EFCAB7: variants seen among roughly 807,000 people sequenced by gnomAD.
EFCAB7 encodes the protein EF-hand calcium binding domain 7.
Under a neutral mutation model 77.1 loss-of-function variants are expected in EFCAB7, and 66 were observed. That is an observed-to-expected ratio of 0.86 (90% CI 0.70 to 1.05). EFCAB7 has a LOEUF of 1.05. EFCAB7 is among the 50% of genes least tolerant of loss of function. The probability of loss-of-function intolerance (pLI) is 0.00; values close to 1 mark genes in which losing one functional copy is unlikely to be tolerated. For synonymous variants in EFCAB7, 225 were observed against 243.3 expected (o/e 0.92, Z 0.70); for missense variants, 638 against 730.5 (o/e 0.87, Z 1.46).
At chr1:63,540,137 C>T (rs9793813) in intron 6 of EFCAB7, among the ~76,000 whole-genome samples, 12,060 of 151,788 alleles carry the variant, frequency 0.079, 839 homozygotes, top group East Asian at 0.38. Flanking sequence ...CCGAGGTGGG[C>T]GGATCACTTG....
At chr1:63,584,492 C>T in the EFCAB7 span, among the ~76,000 whole-genome samples, 1 of 152,074 alleles carries the variant, frequency 6.6e-6, no homozygotes, top group Non-Finnish European at 1.5e-5. Context: ...TTCGAGGCTG[C>T]AGTGAGCTAT....
At chr1:63,573,674 A>G (rs1191894372), downstream of EFCAB7, among the ~76,000 whole-genome samples, 1 of 152,118 alleles carries the variant, frequency 6.6e-6, no homozygotes, top group Non-Finnish European at 1.5e-5. Context: ...AGGGATGACA[A>G]GTTTTTTGGG....
chr1:63,538,073 A>C (rs1192131247), intron 6 of EFCAB7, among the ~76,000 whole-genome samples: 1 of 152,210 alleles, frequency 6.6e-6, no homozygotes, highest in South Asian at 2.1e-4. Flanking sequence ...TAAAATTTGT[A>C]TATGACAAAT....
chr1:63,571,752 T>C (rs1484818673), intron 13 of EFCAB7, among the ~76,000 whole-genome samples: 1 of 150,926 alleles, frequency 6.6e-6, no homozygotes, highest in African/African-American at 2.4e-5. Flanking sequence ...AAAAATAAAA[T>C]GATGTATGTA....
At chr1:63,578,429 C>T in the EFCAB7 span, among the ~76,000 whole-genome samples, 1 of 149,596 alleles carries the variant, frequency 6.7e-6, no homozygotes, top group Non-Finnish European at 1.5e-5. Flanking sequence ...GTATTACAGG[C>T]TGTACCTCTA....
chr1:63,557,937 C>T (rs115740432), intron 10 of EFCAB7, among the ~76,000 whole-genome samples: 31 of 152,238 alleles, frequency 2.0e-4, no homozygotes, highest in African/African-American at 7.5e-4. Flanking sequence ...CTCACGTATG[C>T]TTTCACTGGG....
chr1:63,542,525 C>T (rs191812862), intron 6 of EFCAB7, among the ~76,000 whole-genome samples: 222 of 152,222 alleles, frequency 1.5e-3, no homozygotes, highest in African/African-American at 5.2e-3. Flanking sequence ...GAGAAATTAC[C>T]ATACTATTAT....
Position 63,572,594 on chromosome 1 carries a change from T to C in EFCAB7, c.*78T>C. ...TATTTATTAAACAACTAAATGCTAC[T>C]TAACTGATGTACCTAAATAATAATC... On this transcript the variant is annotated 3_prime_UTR_variant, in exon 14 of 14. Transcript: ENST00000371088. 8.2e-7 allele frequency: 1 copy of C among 1,213,496 alleles called. No homozygotes were observed. The highest frequency in any genetic ancestry group is 1.1e-6 in the Non-Finnish European group (1 of 916,110). The allele number at this position is 1,213,496 out of a possible 1,614,324, so 75.2% of individuals were successfully genotyped here.
intron 11 of EFCAB7, among the ~76,000 whole-genome samples, chr1:63,563,554 G>C (rs911213802): frequency 6.6e-6 from 1 of 152,192 alleles, no homozygotes; most frequent in Non-Finnish European, 1.5e-5. Context: ...ACTTGGATGA[G>C]ACTGTTGATT....
At position 63,545,990 on chromosome 1, in the gene EFCAB7, G is replaced by T. The variant is rs1281048979; in HGVS notation, c.879G>T (p.Arg293Ser). 9 of 1,613,632 alleles carry T rather than the reference G, an allele frequency of 5.6e-6. No homozygotes were observed. The highest frequency in any genetic ancestry group is 6.8e-6 in the Non-Finnish European group (8 of 1,179,752). Residue 293 changes from arginine (R) to serine (S), a missense_variant, in exon 7 of 14, where the codon AGG (arginine) becomes AGT (serine). Transcript: ENST00000371088. ...GTGAAATCATTAGTCATCAGTACAG[G>T]ATGCAAATAGCTCAGAGGTCCATGG... ...EDGEIISHQY[R>S]MQIAQRSMVY...
chr1:63,532,886 G>A (rs1646716135), intron 4 of EFCAB7, 130 bp downstream of exon 4: 7 of 653,974 alleles, frequency 1.1e-5, no homozygotes, highest in East Asian at 3.2e-5. Flanking sequence ...TATACATTGT[G>A]AAACAATTAA....
the EFCAB7 span, among the ~76,000 whole-genome samples, chr1:63,585,050 C>T: frequency 2.0e-5 from 3 of 151,982 alleles, no homozygotes; most frequent in South Asian, 4.1e-4. Context: ...AATGCTTTCT[C>T]GTTTTCTGGA....
intron 10 of EFCAB7, among the ~76,000 whole-genome samples, chr1:63,558,385 C>A (rs2100914294): frequency 6.6e-6 from 1 of 152,282 alleles, no homozygotes; most frequent in East Asian, 1.9e-4. Context: ...AGCTGCTGAT[C>A]TATGCACTTC....
intron 8 of EFCAB7, among the ~76,000 whole-genome samples, chr1:63,553,866 G>C (rs1157599488): frequency 6.6e-6 from 1 of 151,944 alleles, no homozygotes; most frequent in Non-Finnish European, 1.5e-5. Flanking sequence ...TTAGAGATAG[G>C]GTCTCACTCT....
intron 11 of EFCAB7, among the ~76,000 whole-genome samples, chr1:63,567,877 G>A (rs116740685): frequency 0.043 from 6,597 of 152,216 alleles, 192 homozygotes; most frequent in Middle Eastern, 0.078. Flanking sequence ...GGTGTTTTTA[G>A]ACTAAACGTT....
At chr1:63,527,526 G>GA (rs1646615629) in intron 2 of EFCAB7, among the ~76,000 whole-genome samples, 1 of 370 alleles carries the variant, frequency 2.7e-3, no homozygotes, top group Non-Finnish European at 7.0e-3. Context: ...AAATAATACA[G>GA]GATTATAGAT....
chr1:63,558,757 GTTTA>G (rs544976807), intron 10 of EFCAB7, among the ~76,000 whole-genome samples: 136 of 151,836 alleles, frequency 9.0e-4, no homozygotes, highest in African/African-American at 3.2e-3. Context: ...GCTTTATTTT[GTTTA>G]TTTATTTATT....
At chr1:63,583,827 C>A in the EFCAB7 span, among the ~76,000 whole-genome samples, 1 of 150,686 alleles carries the variant, frequency 6.6e-6, no homozygotes, top group South Asian at 2.1e-4. Context: ...TGAAAGTCAT[C>A]AAACCTGAAA....
In EFCAB7 at chr1:63,572,565, C is replaced by T. The variant is rs776401418; in HGVS notation, c.*49C>T. Reference sequence around the variant, plus strand: ...AACTAAGAATTATTTCAGATTTAGTCTGTTATTTATTAAACAACTAAATGC... The same window carrying T: ...AACTAAGAATTATTTCAGATTTAGTTTGTTATTTATTAAACAACTAAATGC... On this transcript the variant is annotated 3_prime_UTR_variant, in exon 14 of 14. Coordinates refer to ENST00000371088, the MANE Select transcript of EFCAB7 (RefSeq NM_032437.4). 2 of 1,323,528 alleles carry T rather than the reference C, an allele frequency of 1.5e-6. No individual in the cohort carries two copies. Among genetic ancestry groups the T allele is most frequent in the Admixed American group, 2.8e-5 (1 of 36,342 alleles). 82.0% of individuals were successfully genotyped at this position (1,323,528 alleles called of 1,614,324 possible). A position where few individuals can be genotyped will look rare whatever the true frequency, so the allele number is the denominator to read the frequency against.
Sources: allele counts gnomAD v4.1 joint callset (sites outside exome capture counted in the v4.1 genomes callset), GRCh38; gene constraint gnomAD v4.1.1; transcripts MANE v1.5; gene names NCBI Gene and HGNC (gene_info 2026-07-23, HGNC 2026-07-21).